DGKA: variants seen among roughly 807,000 people sequenced by gnomAD.
DGKA encodes diacylglycerol kinase alpha.
A neutral mutation model predicts 105.0 loss-of-function variants in DGKA; 35 were observed. The observed-to-expected ratio is 0.33, with a 90% confidence interval of 0.25 to 0.44. The LOEUF (loss-of-function observed/expected upper bound fraction) is 0.44. Ranked by LOEUF, DGKA falls within the 20% of genes least tolerant of loss-of-function variation. The probability of loss-of-function intolerance (pLI) is 1.00; values close to 1 mark genes in which losing one functional copy is unlikely to be tolerated. For missense variants in DGKA, 665 were observed against 915.0 expected (o/e 0.73, Z 3.53); for synonymous variants, 296 against 332.0 (o/e 0.89, Z 1.18).
intron 3 of DGKA, 55 bp downstream of exon 3, chr12:55,937,145 T>C (rs377406155): frequency 3.1e-6 from 5 of 1,588,674 alleles, no homozygotes; most frequent in Non-Finnish European, 4.3e-6. Flanking sequence ...TCTTTGTTTT[T>C]GATCCCCAAC....
Position 55,938,964 on chromosome 12 carries a change from A to T in DGKA, c.449A>T (p.Asp150Val). 1 of 1,614,170 alleles carries T rather than the reference A, an allele frequency of 6.2e-7. No individual in the cohort carries two copies. The highest frequency in any genetic ancestry group is 1.7e-5 in the Admixed American group (1 of 60,024). ...ATGATGCGAGTGGCTGAATACCTGG[A>T]TTGGGATGTGTCTGAGCTGAGGCCG... is the stretch of plus-strand genomic sequence containing the variant. ...LQMMRVAEYL[D>V]WDVSELRPIL... The change falls in exon 7 of 24, where the codon GAT (aspartate) becomes GTT (valine). Residue 150 changes from aspartate to valine, a missense_variant. This residue lies in a region of DGKA where 504 missense variants were observed against 681.2 expected (regional missense o/e 0.74). Coordinates refer to ENST00000331886, the MANE Select transcript of DGKA (RefSeq NM_001345.5).
chr12:55,941,980 C>G lies in DGKA; in HGVS notation c.1251-18C>G, dbSNP rs763368973. The G allele has an allele frequency of 3.1e-6, 5 of 1,613,666 alleles. No homozygotes were observed. The Middle Eastern group carries it at 5.0e-4, about 160-fold the overall frequency. On this transcript the variant is annotated intron_variant, in intron 15 of 23. Transcript: ENST00000331886. ...GTCCTGTTATCCTTCTTCATATTCT[C>G]TCTCCCCTTTGTCTCAGGCTCCGAT... is the stretch of plus-strand genomic sequence containing the variant.
chr12:55,932,474 C>T lies in DGKA; in HGVS notation c.-82+1130C>T. 2 of 698,610 alleles carry T rather than the reference C, an allele frequency of 2.9e-6. No individual in the cohort carries two copies. The highest frequency in any genetic ancestry group is 3.0e-5 in the South Asian group (2 of 67,256). 43.3% of individuals were successfully genotyped at this position (698,610 alleles called of 1,614,324 possible). A position where few individuals can be genotyped will look rare whatever the true frequency, so the allele number is the denominator to read the frequency against. Reference sequence around the variant, plus strand: ...GGGTTCTTGTTTGGCCTCCAGGTCCCCAACTTCCCACCCCATCCTCTCCCC... The same window carrying T: ...GGGTTCTTGTTTGGCCTCCAGGTCCTCAACTTCCCACCCCATCCTCTCCCC... On this transcript the variant is annotated intron_variant, in intron 1 of 23. Coordinates refer to ENST00000331886, the MANE Select transcript of DGKA (RefSeq NM_001345.5). This position sits in a 1 kb window ranked among gnomAD's most constrained non-coding sequence, Gnocchi z 4.3.
rs1883685997 is a variant in DGKA at position 55,932,053 on chromosome 12, C to T, written c.-82+709C>T. ...GCGGCCGCGTCTGCCTGGCCCGTCC[C>T]CTCCAGCCCAGCTCGGGCTCCAGCT... is the stretch of plus-strand genomic sequence containing the variant. On this transcript the variant is annotated intron_variant, in intron 1 of 23. Transcript: ENST00000331886. This position sits in a 1 kb window ranked among gnomAD's most constrained non-coding sequence, Gnocchi z 4.3. 1 of 156,166 alleles carries T rather than the reference C, an allele frequency of 6.4e-6. No individual in the cohort carries two copies. The highest frequency in any genetic ancestry group is 2.4e-5 in the African/African-American group (1 of 41,464). The allele number at this position is 156,166 out of a possible 1,614,324, so 9.7% of individuals were successfully genotyped here. A position where few individuals can be genotyped will look rare whatever the true frequency, so the allele number is the denominator to read the frequency against.
At position 55,939,529 on chromosome 12, in the gene DGKA, C is replaced by G. The variant is rs777988073; in HGVS notation, c.709C>G (p.Leu237Val). The G allele has an allele frequency of 6.2e-7, 1 of 1,613,820 alleles. No individual in the cohort carries two copies. Among genetic ancestry groups the G allele is most frequent in the African/African-American group, 1.3e-5 (1 of 74,888 alleles). Residue 237 changes from leucine (L) to valine (V), a missense_variant and splice_region_variant, in exon 9 of 24, where the codon CTC becomes GTC. Physicochemically the swap from Leu to Val is conservative, Grantham distance 32. This residue lies in a region of DGKA where 504 missense variants were observed against 681.2 expected (regional missense o/e 0.74). Coordinates refer to ENST00000331886, the MANE Select transcript of DGKA (RefSeq NM_001345.5). ...TGGCAAACAGGGACTGAGCTGTAAC[C>G]GTGAGTAATGGGAGCTGGGAGGTAG... is the stretch of plus-strand genomic sequence containing the variant. ...GLGKQGLSCN[L>V]CKYTVHDQCA...
At position 55,939,440 on chromosome 12, in the gene DGKA, T is replaced by C; in HGVS notation, c.620T>C (p.Met207Thr). ...EMTLKDDGQH[M>T]WRPKRFPRPV... Reference sequence around the variant, plus strand: ...ACTCTGAAGGACGACGGACAGCACATGTGGAGGCCCAAGAGGTTCCCCAGA... The same window carrying C: ...ACTCTGAAGGACGACGGACAGCACACGTGGAGGCCCAAGAGGTTCCCCAGA... Residue 207 changes from methionine to threonine, a missense_variant, in exon 9 of 24, where the codon ATG becomes ACG. Transcript: ENST00000331886. 6.2e-7 allele frequency: 1 copy of C among 1,614,208 alleles called. No individual in the cohort carries two copies. The highest frequency in any genetic ancestry group is 8.5e-7 in the Non-Finnish European group (1 of 1,180,038).
At chr12:55,930,370 T>A (rs1013414013), upstream of DGKA, 1 of 142,026 alleles carries the variant, frequency 7.0e-6, no homozygotes, top group Non-Finnish European at 1.5e-5. Flanking sequence ...TTTTTTTTTT[T>A]TTTTTTTTTT....
chr12:55,944,593 A>G (rs960905067), intron 17 of DGKA, among the ~76,000 whole-genome samples: 1 of 152,190 alleles, frequency 6.6e-6, no homozygotes, highest in African/African-American at 2.4e-5. Context: ...AGAATAGGAA[A>G]TTACCTGTTT....
chr12:55,933,326 C>T (rs1048822429), intron 1 of DGKA, among the ~76,000 whole-genome samples: 5 of 152,130 alleles, frequency 3.3e-5, no homozygotes, highest in Admixed American at 6.6e-5. Context: ...TCCTTTCTCG[C>T]CCCAATTGGG....
chr12:55,937,991 C>T lies in DGKA; in HGVS notation c.288C>T (p.Leu96=), dbSNP rs1565736343. The part of the protein sequence containing the change: ...ETNVTKDVVC[L]NDVSCYFSLL... ...TTTTGTAACCAGATGTGGTGTGTCT[C>T]AATGATGTTTCCTGCTACTTTTCCC... The change falls in exon 5 of 24, where the codon CTC becomes CTT. Residue 96 remains leucine (L), a synonymous_variant. Transcript: ENST00000331886. The T allele has an allele frequency of 6.2e-7, 1 of 1,614,116 alleles. No individual in the cohort carries two copies. Among genetic ancestry groups the T allele is most frequent in the East Asian group, 2.2e-5 (1 of 44,876 alleles).
rs1306876397 is a variant in DGKA at position 55,940,979 on chromosome 12, G to A, written c.1100G>A (p.Arg367Gln). Reference protein sequence around the residue: ...DLNLSTSEALRIDPVPNTHPL... With the variant: ...DLNLSTSEALQIDPVPNTHPL... ...AATTTGAGCACCTCTGAGGCTCTGC[G>A]GGTACAGGGCTGAGAGTCTTGGGCT... The change falls in exon 13 of 24, where the codon CGG becomes CAG. Residue 367 changes from arginine to glutamine, a missense_variant and splice_region_variant. By Grantham distance (43) the Arg-to-Gln change is conservative (BLOSUM62 1). Around this residue, in one of 3 missense-constraint regions of DGKA, gnomAD observed 504 missense variants for 681.2 expected, o/e 0.74. Coordinates refer to ENST00000331886, the MANE Select transcript of DGKA (RefSeq NM_001345.5). The surrounding 1 kb of genome is among the most constrained non-coding windows in gnomAD (Gnocchi z 4.3). 8 of 1,613,556 alleles carry A rather than the reference G, an allele frequency of 5.0e-6. No homozygotes were observed. Among genetic ancestry groups the A allele is most frequent in the Non-Finnish European group, 5.9e-6 (7 of 1,179,800 alleles).
At chr12:55,935,829 CGCGCGTCAGAA>C in intron 1 of DGKA, 1 of 961,052 alleles carries the variant, frequency 1.0e-6, no homozygotes, top group South Asian at 4.8e-5. Context: ...GGTTCTGTGT[CGCGCGTCAGAA>C]GCGCTAGAGG....
In DGKA at chr12:55,953,684, G is replaced by C; in HGVS notation, c.2125-1G>C. On this transcript the variant is annotated splice_acceptor_variant, in intron 23 of 23. Coordinates refer to ENST00000331886, the MANE Select transcript of DGKA (RefSeq NM_001345.5). LOFTEE classifies it high-confidence loss of function. The stretch of plus-strand genomic sequence containing the variant: ...TCTGAATGTGCTCCCTTCCCTTCCA[G>C]ATCAAGATCACCCACAAGAACCAGA... 6.2e-7 allele frequency: 1 copy of C among 1,613,914 alleles called. No individual in the cohort carries two copies. The highest frequency in any genetic ancestry group is 8.5e-7 in the Non-Finnish European group (1 of 1,179,920).
intron 17 of DGKA, among the ~76,000 whole-genome samples, chr12:55,947,872 C>G (rs934684389): frequency 6.6e-6 from 1 of 152,044 alleles, no homozygotes; most frequent in Admixed American, 6.5e-5. Flanking sequence ...CTCACTGCAA[C>G]CTCCACCTCC....
Position 55,942,065 on chromosome 12 carries a change from T to A in DGKA, c.1318T>A (p.Trp440Arg), listed in dbSNP as rs1886128136. ...GTGTGGTGGAGACGGCACAGTAGGC[T>A]GGATTCTAGAGACCATTGGTCAGTG... is the stretch of plus-strand genomic sequence containing the variant. ...LVCGGDGTVG[W>R]ILETIDKANL... Residue 440 changes from tryptophan to arginine, a missense_variant, in exon 16 of 24, where the codon TGG (tryptophan) becomes AGG (arginine). By Grantham distance (101) the Trp-to-Arg change is moderately radical. Coordinates refer to ENST00000331886, the MANE Select transcript of DGKA (RefSeq NM_001345.5). 1 of 1,614,090 alleles carries A rather than the reference T, an allele frequency of 6.2e-7. No individual in the cohort carries two copies.
intron 14 of DGKA, 40 bp from the exon 15 acceptor site, chr12:55,941,470 C>T: frequency 1.2e-6 from 2 of 1,608,528 alleles, no homozygotes; most frequent in Non-Finnish European, 8.5e-7. Flanking sequence ...CACCCCCAAC[C>T]CCCGCGCCTG....
At chr12:55,938,838 A>T (rs896286128) in intron 6 of DGKA, 77 bp from the exon 7 acceptor site, 1 of 1,590,692 alleles carries the variant, frequency 6.3e-7, no homozygotes, top group Non-Finnish European at 8.6e-7. Flanking sequence ...GAACCCAGGA[A>T]CACTGATTTC....
intron 17 of DGKA, among the ~76,000 whole-genome samples, chr12:55,951,025 TG>T (rs1343692118): frequency 1.3e-5 from 2 of 152,182 alleles, no homozygotes; most frequent in Non-Finnish European, 2.9e-5. Flanking sequence ...GTTTGGGGTA[TG>T]GATGGTCACA....
rs759141572 is a variant in DGKA at position 55,952,336 on chromosome 12, C to G, written c.1653-5C>G. Reference sequence around the variant, plus strand: ...CTACTGGGCCTTGTGTTGGGGCTGACACAGAATGAAGAACAAGCTATGGTA... The same window carrying G: ...CTACTGGGCCTTGTGTTGGGGCTGAGACAGAATGAAGAACAAGCTATGGTA... On this transcript the variant is annotated splice_polypyrimidine_tract_variant and splice_region_variant and intron_variant, in intron 19 of 23. Coordinates refer to ENST00000331886, the MANE Select transcript of DGKA (RefSeq NM_001345.5). This position sits in a 1 kb window ranked among gnomAD's most constrained non-coding sequence, Gnocchi z 5.1. 13 of 1,614,050 alleles carry G rather than the reference C, an allele frequency of 8.1e-6. No homozygotes were observed. In the South Asian group the frequency reaches 1.3e-4, roughly 16 times the overall value.
Sources: allele counts gnomAD v4.1 joint callset (sites outside exome capture counted in the v4.1 genomes callset), GRCh38; gene constraint gnomAD v4.1.1; regional missense constraint gnomAD v4.1.1; non-coding constraint Gnocchi (gnomAD v3.1); transcripts MANE v1.5; gene names NCBI Gene and HGNC (gene_info 2026-07-23, HGNC 2026-07-21).